Variants in EBF1 observed in about 807,000 individuals in gnomAD.
The protein encoded by EBF1 is EBF transcription factor 1.
A neutral mutation model predicts 68.4 loss-of-function variants in EBF1; 10 were observed. That is an observed-to-expected ratio of 0.15 (90% confidence interval 0.09 to 0.25). The LOEUF (loss-of-function observed/expected upper bound fraction) is 0.25. Ranked by LOEUF, EBF1 falls within the 10% of genes least tolerant of loss-of-function variation. The pLI is 1.00. For synonymous variants in EBF1, 298 were observed against 299.8 expected (o/e 0.99, Z 0.06); for missense variants, 509 against 794.4 (o/e 0.64, Z 4.32).
chr5:158,980,634 A>T lies in EBF1; in HGVS notation c.554+92762T>A, dbSNP rs542797693. Reference sequence around the variant, plus strand: ...AATGTAGTTAAGTGAAGATGTGTGAATATAAATAACTAACAAAGGAAGAAT... The same window carrying T: ...AATGTAGTTAAGTGAAGATGTGTGATTATAAATAACTAACAAAGGAAGAAT... On this transcript the variant is annotated intron_variant, in intron 6 of 15. Transcript: ENST00000313708. Among the ~76,000 whole-genome samples, 3 of 152,372 alleles carry T rather than the reference A, an allele frequency of 2.0e-5. No individual in the cohort carries two copies. The South Asian group carries it at 6.2e-4, about 32-fold the overall frequency.
Position 158,728,652 on chromosome 5 carries a change from C to A in EBF1, c.1125+2417G>T, listed in dbSNP as rs868056719. 3.3e-5 allele frequency among the ~76,000 whole-genome samples: 5 copies of A among 152,248 alleles called. No homozygotes were observed. The South Asian group carries it at 6.2e-4, about 19-fold the overall frequency. The stretch of plus-strand genomic sequence containing the variant: ...AGGTATGTCTCACTGCAGCCTTGAC[C>A]ACCTAGGCTTAAGCAGCCCTTCCAC... On this transcript the variant is annotated intron_variant, in intron 11 of 15. Coordinates refer to ENST00000313708, the MANE Select transcript of EBF1 (RefSeq NM_024007.5).
At chr5:158,874,779 G>A (rs902646426) in intron 6 of EBF1, among the ~76,000 whole-genome samples, 18 of 151,804 alleles carry the variant, frequency 1.2e-4, no homozygotes, top group African/African-American at 3.6e-4. Flanking sequence ...TAAAGGGAGA[G>A]GAGGAAAAAA....
intron 6 of EBF1, among the ~76,000 whole-genome samples, chr5:159,000,079 T>C (rs1037974200): frequency 6.6e-6 from 1 of 152,178 alleles, no homozygotes; most frequent in African/African-American, 2.4e-5. Context: ...AAAGCAATGA[T>C]AGATGAAGCA....
intron 5 of EBF1, among the ~76,000 whole-genome samples, chr5:159,083,198 G>T (rs575710276): frequency 5.3e-5 from 8 of 152,134 alleles, no homozygotes; most frequent in African/African-American, 1.9e-4. Context: ...CATGCTAATT[G>T]TAAGAAGCCA....
At chr5:159,059,931 C>T (rs1775484671) in intron 6 of EBF1, among the ~76,000 whole-genome samples, 1 of 152,170 alleles carries the variant, frequency 6.6e-6, no homozygotes, top group Non-Finnish European at 1.5e-5. Context: ...CAGCAGCCTC[C>T]ACACTGCTGT....
intron 6 of EBF1, among the ~76,000 whole-genome samples, chr5:159,033,367 GT>G (rs1221036925): frequency 2.6e-5 from 4 of 152,116 alleles, no homozygotes; most frequent in Non-Finnish European, 5.9e-5. Flanking sequence ...TCAAATGAAT[GT>G]TTTTTTCCTT....
chr5:158,862,567 G>C (rs1455381720), intron 6 of EBF1, among the ~76,000 whole-genome samples: 1 of 151,858 alleles, frequency 6.6e-6, no homozygotes, highest in African/African-American at 2.4e-5. Context: ...CCTGCTACAG[G>C]GCTGAGAAAA....
At chr5:158,856,542 T>C (rs1352203602) in intron 6 of EBF1, among the ~76,000 whole-genome samples, 1 of 152,218 alleles carries the variant, frequency 6.6e-6, no homozygotes, top group Admixed American at 6.5e-5. Flanking sequence ...AAGGAAAGAT[T>C]GCTCCAAAGT....
At chr5:159,086,101 T>G (rs1300650788) in intron 4 of EBF1, among the ~76,000 whole-genome samples, 1 of 152,200 alleles carries the variant, frequency 6.6e-6, no homozygotes, top group East Asian at 1.9e-4. Flanking sequence ...TTGACATACA[T>G]GTACACCTAC....
At chr5:158,951,789 C>T (rs1439191060) in intron 6 of EBF1, among the ~76,000 whole-genome samples, 4 of 152,076 alleles carry the variant, frequency 2.6e-5, no homozygotes, top group African/African-American at 9.7e-5. Flanking sequence ...GAAGAGTATC[C>T]CTGACTTACA....
intron 10 of EBF1, among the ~76,000 whole-genome samples, chr5:158,756,091 G>A (rs745730381): frequency 6.6e-6 from 1 of 152,062 alleles, no homozygotes; most frequent in Non-Finnish European, 1.5e-5. Context: ...CTGCTAACTT[G>A]CTGAATGTGT....
At chr5:158,720,980 CAG>C (rs538113002) in intron 11 of EBF1, among the ~76,000 whole-genome samples, 165 of 152,226 alleles carry the variant, frequency 1.1e-3, no homozygotes, top group Non-Finnish European at 2.0e-3. Flanking sequence ...ACTTTTTGCC[CAG>C]AGTCTTTTTA....
At chr5:158,825,327 T>C (rs991423288) in intron 7 of EBF1, among the ~76,000 whole-genome samples, 1 of 152,220 alleles carries the variant, frequency 6.6e-6, no homozygotes, top group Non-Finnish European at 1.5e-5. Context: ...TACAATTACA[T>C]AACAGAGCTG....
chr5:158,837,639 A>G (rs1789114856), intron 7 of EBF1, among the ~76,000 whole-genome samples: 1 of 152,132 alleles, frequency 6.6e-6, no homozygotes, highest in Non-Finnish European at 1.5e-5. Context: ...AAAATAATAG[A>G]CTAAATTGGT....
intron 6 of EBF1, among the ~76,000 whole-genome samples, chr5:158,967,912 C>T (rs765168367): frequency 2.6e-5 from 4 of 152,258 alleles, no homozygotes; most frequent in Non-Finnish European, 4.4e-5. Context: ...CACATAGATG[C>T]TATTGAGAAC....
chr5:158,697,222 A>ATT lies in EBF1; in HGVS notation c.*1887_*1888dup, dbSNP rs143756302. On this transcript the variant is annotated 3_prime_UTR_variant, in exon 16 of 16. Transcript: ENST00000313708. ...TGTAAGCTTCCAAAGCAAAGGATAC[A>ATT]TTTTTTTTTAAATCTACTGAACTAA... is the stretch of plus-strand genomic sequence containing the variant. 1.3e-4 allele frequency: 25 copies of ATT among 191,752 alleles called. No individual in the cohort carries two copies. The highest frequency in any genetic ancestry group is 4.9e-4 in the African/African-American group (21 of 42,828). The allele number at this position is 191,752 out of a possible 1,614,324, so 11.9% of individuals were successfully genotyped here. A position where few individuals can be genotyped will look rare whatever the true frequency, so the allele number is the denominator to read the frequency against.
At chr5:158,801,985 C>T (rs1780679350) in intron 8 of EBF1, among the ~76,000 whole-genome samples, 2 of 152,220 alleles carry the variant, frequency 1.3e-5, no homozygotes, top group African/African-American at 4.8e-5. Context: ...TAGAAATGAT[C>T]TATTTCTTTG....
At chr5:158,758,140 AG>A (rs1770549636) in intron 10 of EBF1, among the ~76,000 whole-genome samples, 2 of 152,166 alleles carry the variant, frequency 1.3e-5, no homozygotes, top group African/African-American at 2.4e-5. Flanking sequence ...TCCATTATTG[AG>A]GTAAGAAAAT....
chr5:158,969,920 A>G (rs6859656), intron 6 of EBF1, among the ~76,000 whole-genome samples: 13,703 of 66,418 alleles, frequency 0.21, 1,630 homozygotes, highest in South Asian at 0.3. Flanking sequence ...AAGAAAGAAA[A>G]AAAAAAAAAA....
Sources: gnomAD v4.1 joint callset for allele counts (sites outside exome capture counted in the v4.1 genomes callset) on GRCh38, gnomAD v4.1.1 for gene constraint, MANE v1.5 for transcripts, NCBI Gene and HGNC (gene_info 2026-07-23, HGNC 2026-07-21) for gene names.